The following E2F5 variants were observed in gnomAD, a reference collection of about 807,000 sequenced individuals.
The protein encoded by E2F5 is E2F transcription factor 5, also known as transcription factor E2F5.
A neutral mutation model predicts 39.1 loss-of-function variants in E2F5; 23 were observed. The ratio of observed to expected loss-of-function variants is 0.59; its 90% CI spans 0.42 to 0.83. The LOEUF is 0.83. Among genes scored for constraint, E2F5 ranks in the 40% least tolerant of loss-of-function variants. E2F5 has a pLI of 0.00. For missense variants in E2F5, 365 were observed against 406.7 expected (o/e 0.90, Z 0.88); for synonymous variants, 145 against 157.8 (o/e 0.92, Z 0.61).
rs1340439786 is a variant in E2F5 at position 85,191,202 on chromosome 8, G to A, written c.235-10945G>A. Among the ~76,000 whole-genome samples the A allele has an allele frequency of 1.9e-4, 29 of 152,086 alleles. 1 individual carries two copies. Among genetic ancestry groups the A allele is most frequent in the Admixed American group, 1.7e-3 (26 of 15,268 alleles). Reference sequence around the variant, plus strand: ...ATATTTTGCTAAGCAAATAAGCCAGGCACAGAAAGACACATGATCTCATAT... The same window carrying A: ...ATATTTTGCTAAGCAAATAAGCCAGACACAGAAAGACACATGATCTCATAT... On this transcript the variant is annotated intron_variant, in intron 1 of 7. Transcript: ENST00000416274.
In E2F5 at chr8:85,177,420, G is replaced by C. The variant is rs1328174500; in HGVS notation, c.-1G>C. The C allele has an allele frequency of 1.0e-6, 1 of 988,838 alleles. No homozygotes were observed. The highest frequency in any genetic ancestry group is 1.2e-6 in the Non-Finnish European group (1 of 833,282). The allele number at this position is 988,838 out of a possible 1,614,324, so 61.3% of individuals were successfully genotyped here. Reference sequence around the variant, plus strand: ...CCCGACCACCGCGGGGCCGGGACGCGATGGCGGCGGCAGAGCCCGCGAGCT... The same window carrying C: ...CCCGACCACCGCGGGGCCGGGACGCCATGGCGGCGGCAGAGCCCGCGAGCT... On this transcript the variant is annotated 5_prime_UTR_variant, in exon 1 of 8. Transcript: ENST00000416274.
intron 1 of E2F5, among the ~76,000 whole-genome samples, chr8:85,189,571 G>T (rs566018589): frequency 2.0e-5 from 3 of 152,182 alleles, no homozygotes; most frequent in East Asian, 1.9e-4. Flanking sequence ...GTTTCATCAT[G>T]TTGGCTAGGC....
At chr8:85,212,061 C>T (rs1291109932) in intron 6 of E2F5, 96 bp from the exon 7 acceptor site, 6 of 895,210 alleles carry the variant, frequency 6.7e-6, no homozygotes, top group Admixed American at 4.4e-5. Context: ...AATAAATGTG[C>T]ATGTCAGTCA....
At chr8:85,188,732 A>G (rs1812398217) in intron 1 of E2F5, among the ~76,000 whole-genome samples, 2 of 152,170 alleles carry the variant, frequency 1.3e-5, no homozygotes, top group Admixed American at 6.5e-5. Context: ...GCTTCAGTCT[A>G]TGCGCACTAG....
chr8:85,190,573 G>A (rs541016454), intron 1 of E2F5, among the ~76,000 whole-genome samples: 21 of 126,138 alleles, frequency 1.7e-4, no homozygotes, highest in Middle Eastern at 6.1e-3. Flanking sequence ...GTGTGATCTC[G>A]GCTCACTGCA....
chr8:85,186,270 A>C (rs1259727174), intron 1 of E2F5, among the ~76,000 whole-genome samples: 1 of 152,076 alleles, frequency 6.6e-6, no homozygotes, highest in East Asian at 1.9e-4. Flanking sequence ...CAGAAAACCA[A>C]ACACCACATG....
intron 1 of E2F5, among the ~76,000 whole-genome samples, chr8:85,190,497 C>T (rs1298023148): frequency 2.3e-4 from 16 of 70,346 alleles, no homozygotes; most frequent in African/African-American, 5.4e-4. Context: ...GAGATTTTTC[C>T]TTTTTTTTTT....
chr8:85,193,064 C>G (rs1168461945), intron 1 of E2F5, among the ~76,000 whole-genome samples: 2 of 152,168 alleles, frequency 1.3e-5, no homozygotes, highest in Non-Finnish European at 2.9e-5. Flanking sequence ...GAGATGGATA[C>G]ATACATGTAT....
intron 1 of E2F5, among the ~76,000 whole-genome samples, chr8:85,181,965 A>C (rs928794226): frequency 1.3e-5 from 2 of 152,064 alleles, no homozygotes; most frequent in African/African-American, 2.4e-5. Flanking sequence ...GTGTCTCAAA[A>C]AAAAAAAACA....
chr8:85,200,285 C>T (rs923437167), intron 1 of E2F5: 1 of 954,722 alleles, frequency 1.0e-6, no homozygotes, highest in Admixed American at 6.2e-5. Context: ...TAAAATAAAA[C>T]CCTCCTGGAG....
At chr8:85,198,241 G>T (rs1456741309) in intron 1 of E2F5, among the ~76,000 whole-genome samples, 4 of 151,910 alleles carry the variant, frequency 2.6e-5, no homozygotes, top group Non-Finnish European at 5.9e-5. Context: ...GCCACCTCTA[G>T]CAGTCATCCC....
At chr8:85,209,619 T>A (rs1204159608) in intron 6 of E2F5, among the ~76,000 whole-genome samples, 2 of 152,238 alleles carry the variant, frequency 1.3e-5, no homozygotes, top group African/African-American at 2.4e-5. Flanking sequence ...TCACATAGCC[T>A]GAATATAATT....
chr8:85,194,602 T>C (rs1587489610), intron 1 of E2F5, among the ~76,000 whole-genome samples: 1 of 147,834 alleles, frequency 6.8e-6, no homozygotes, highest in Middle Eastern at 3.4e-3. Context: ...TGGTGCGATC[T>C]CAGCTCACTG....
At chr8:85,202,598 A>G (rs1812718874) in intron 2 of E2F5, among the ~76,000 whole-genome samples, 1 of 152,228 alleles carries the variant, frequency 6.6e-6, no homozygotes, top group South Asian at 2.1e-4. Context: ...TACTTTGTAA[A>G]TAGTAATTAA....
intron 6 of E2F5, among the ~76,000 whole-genome samples, chr8:85,211,882 G>T (rs1329685531): frequency 6.6e-6 from 1 of 151,674 alleles, no homozygotes; most frequent in South Asian, 2.1e-4. Flanking sequence ...CAAGCAATCC[G>T]TCCACCTCAC....
intron 6 of E2F5, among the ~76,000 whole-genome samples, chr8:85,211,632 G>T (rs977335946): frequency 6.2e-5 from 9 of 145,680 alleles, no homozygotes; most frequent in African/African-American, 2.1e-4. Context: ...ATGATGATGA[G>T]GTTTGTTGTT....
rs1446699439 is a variant in E2F5 at position 85,209,267 on chromosome 8, T to A, written c.741T>A (p.Asp247Glu). The change falls in exon 6 of 8, where the codon GAT becomes GAA. Residue 247 changes from aspartate (D) to glutamate (E), a missense_variant. Asp to Glu is a conservative substitution (Grantham distance 45). Coordinates refer to ENST00000416274, the MANE Select transcript of E2F5 (RefSeq NM_001951.4). ...TGGTTTTTCCTGTTCCCCCACCTGA[T>A]GACCTCACACAGCCTTCCTCCCAGT... ...KPVVFPVPPPDDLTQPSSQSL... is the reference protein window; with the variant it reads ...KPVVFPVPPPEDLTQPSSQSL... 5 of 1,614,016 alleles carry A rather than the reference T, an allele frequency of 3.1e-6. No individual in the cohort carries two copies. The highest frequency in any genetic ancestry group is 4.2e-6 in the Non-Finnish European group (5 of 1,179,890).
chr8:85,203,308 A>G, intron 3 of E2F5, 53 bp downstream of exon 3: 1 of 1,375,132 alleles, frequency 7.3e-7, no homozygotes, highest in Non-Finnish European at 9.6e-7. Flanking sequence ...ATATGTATGT[A>G]TAAATCATTT....
chr8:85,177,820 C>T, intron 1 of E2F5, 166 bp downstream of exon 1: 1 of 1,116,250 alleles, frequency 9.0e-7, no homozygotes, highest in Non-Finnish European at 1.1e-6. Context: ...TCGTGGACGC[C>T]GGGATGGGGG....
Sources: allele counts gnomAD v4.1 joint callset (sites outside exome capture counted in the v4.1 genomes callset), GRCh38; gene constraint gnomAD v4.1.1; transcripts MANE v1.5; gene names NCBI Gene and HGNC (gene_info 2026-07-23, HGNC 2026-07-21).